CEP85L: variants seen among roughly 807,000 people sequenced by gnomAD.
CEP85L encodes centrosomal protein 85L, also known as centrosomal protein of 85 kDa-like.
Under a neutral mutation model 100.3 loss-of-function variants are expected in CEP85L, and 60 were observed. The observed-to-expected ratio is 0.60, with a 90% confidence interval of 0.49 to 0.74. The LOEUF (loss-of-function observed/expected upper bound fraction) is 0.74, where lower values mean the gene tolerates loss of function less well. Among genes scored for constraint, CEP85L ranks in the 30% least tolerant of loss-of-function variants. The pLI, the probability that CEP85L is intolerant of heterozygous loss-of-function variation, is 0.00. For missense variants in CEP85L, 973 were observed against 936.2 expected, an observed-to-expected ratio of 1.04 and a Z score of -0.51; for synonymous variants, 319 against 322.7, an observed-to-expected ratio of 0.99 and a Z score of 0.12.
intron 10 of CEP85L, among the ~76,000 whole-genome samples, chr6:118,478,652 T>A (rs986644518): frequency 3.3e-5 from 5 of 152,188 alleles, no homozygotes; most frequent in Non-Finnish European, 7.4e-5. Flanking sequence ...TTTACTTCAA[T>A]TCTCTACATA....
At chr6:118,646,073 C>T (rs1775166128) in intron 1 of CEP85L, among the ~76,000 whole-genome samples, 1 of 151,832 alleles carries the variant, frequency 6.6e-6, no homozygotes, top group Non-Finnish European at 1.5e-5. Flanking sequence ...GAAAATTAGC[C>T]AGGCATGGTG....
intron 3 of CEP85L, among the ~76,000 whole-genome samples, chr6:118,537,031 C>T (rs78868736): frequency 0.04 from 6,123 of 152,054 alleles, 198 homozygotes; most frequent in Non-Finnish European, 0.06. Context: ...CCCAGAAAAC[C>T]GAGGTACTTG....
At position 118,511,283 on chromosome 6, in the gene CEP85L, C is replaced by T. The variant is rs756328574; in HGVS notation, c.1257+15G>A. On this transcript the variant is annotated intron_variant, in intron 5 of 12. Transcript: ENST00000368491. ...TTTACTACTAAAACAGCTACAAAATCCTCTGTAATCTTACCTGCAAACTAG... is the reference window on the plus strand; with the variant it reads ...TTTACTACTAAAACAGCTACAAAATTCTCTGTAATCTTACCTGCAAACTAG... The T allele has an allele frequency of 2.0e-6, 3 of 1,513,354 alleles. No homozygotes were observed. In the Admixed American group the frequency reaches 5.0e-5, roughly 25 times the overall value. 93.7% of individuals were successfully genotyped at this position (1,513,354 alleles called of 1,614,324 possible).
intron 1 of CEP85L, among the ~76,000 whole-genome samples, chr6:118,681,010 G>C (rs1247633645): frequency 6.6e-6 from 1 of 152,224 alleles, no homozygotes; most frequent in Non-Finnish European, 1.5e-5. Context: ...ATCCACAACA[G>C]AACTATTGTG....
Position 118,672,090 on chromosome 6 carries a change from G to A in CEP85L, c.-27-19282C>T, listed in dbSNP as rs539063097. ...TTTCATCTGTTGCCCAGGTTGTAGT[G>A]CAGTGGTGCGATCTCAGCTCACTGC... On this transcript the variant is annotated intron_variant, in intron 1 of 13. Coordinates refer to the CEP85L transcript ENST00000368488. Among the ~76,000 whole-genome samples, 5 of 152,272 alleles carry A rather than the reference G, an allele frequency of 3.3e-5. 1 individual carries two copies. Among genetic ancestry groups the A allele is most frequent in the African/African-American group, 1.2e-4 (5 of 41,560 alleles).
At chr6:118,502,289 C>T in intron 5 of CEP85L, 1 of 532,630 alleles carries the variant, frequency 1.9e-6, no homozygotes, top group Non-Finnish European at 3.5e-6. Context: ...TTAATCTATG[C>T]AATCTATGGG....
chr6:118,692,196 A>C (rs141285989), intron 1 of CEP85L, among the ~76,000 whole-genome samples: 3 of 152,294 alleles, frequency 2.0e-5, no homozygotes, highest in African/African-American at 7.2e-5. Context: ...AGAGCCCTGC[A>C]ATGGGTTAAA....
chr6:118,467,073 A>T (rs187111959), intron 12 of CEP85L, among the ~76,000 whole-genome samples: 1 of 152,238 alleles, frequency 6.6e-6, no homozygotes, highest in Admixed American at 6.5e-5. Context: ...ACTCACTGAG[A>T]AGAGGAACCG....
At position 118,538,734 on chromosome 6, in the gene CEP85L, A is replaced by G. The variant is rs74411070; in HGVS notation, c.1021-14814T>C. 1.4e-3 allele frequency among the ~76,000 whole-genome samples: 212 copies of G among 152,220 alleles called. 2 individuals carry two copies. Among genetic ancestry groups the G allele is most frequent in the African/African-American group, 5.0e-3 (207 of 41,572 alleles). ...AATCAATTAGAAGATTAGGTAAAAC[A>G]AATGAAGCTTAAGTATTCAAATTAA... On this transcript the variant is annotated intron_variant, in intron 3 of 12. Coordinates refer to ENST00000368491, the MANE Select transcript of CEP85L (RefSeq NM_001042475.3).
chr6:118,525,948 A>G (rs996573930), intron 3 of CEP85L, among the ~76,000 whole-genome samples: 7 of 152,368 alleles, frequency 4.6e-5, no homozygotes, highest in African/African-American at 1.7e-4. Flanking sequence ...CAGTAATTGC[A>G]TAACATCAAC....
At position 118,476,907 on chromosome 6, in the gene CEP85L, T is replaced by C. The variant is rs9372505; in HGVS notation, c.1914+2964A>G. ...AACAAGCACACATTACAAAACTCTA[T>C]GTCCTCTGCCAAAAGACTACAATGA... On this transcript the variant is annotated intron_variant, in intron 10 of 12. Transcript: ENST00000368491. Among the ~76,000 whole-genome samples, 28 of 152,300 alleles carry C rather than the reference T, an allele frequency of 1.8e-4. No individual in the cohort carries two copies. The East Asian group carries it at 2.1e-3, about 12-fold the overall frequency.
At chr6:118,596,985 C>A (rs1013456946) in intron 2 of CEP85L, among the ~76,000 whole-genome samples, 8 of 152,132 alleles carry the variant, frequency 5.3e-5, no homozygotes, top group African/African-American at 4.8e-5. Flanking sequence ...ATCATGGGGG[C>A]GGCTGCCCCA....
chr6:118,651,171 A>G, intron 1 of CEP85L, 26 bp downstream of exon 1: 1 of 1,486,382 alleles, frequency 6.7e-7, no homozygotes, highest in Non-Finnish European at 8.9e-7. Context: ...CCCCCACCCC[A>G]GCCGGGGCGC....
At chr6:118,568,179 G>A (rs1447078032) in intron 2 of CEP85L, among the ~76,000 whole-genome samples, 4 of 152,188 alleles carry the variant, frequency 2.6e-5, no homozygotes, top group Non-Finnish European at 5.9e-5. Flanking sequence ...ACGTGGCCCC[G>A]TAGTGGCTGC....
At chr6:118,600,996 TTTC>T (rs1331928064) in intron 2 of CEP85L, among the ~76,000 whole-genome samples, 1 of 152,208 alleles carries the variant, frequency 6.6e-6, no homozygotes, top group Non-Finnish European at 1.5e-5. Flanking sequence ...TATAAAGTTG[TTTC>T]TTATTTTTCA....
intron 2 of CEP85L, among the ~76,000 whole-genome samples, chr6:118,593,674 A>C (rs1189336448): frequency 7.9e-6 from 1 of 127,048 alleles, no homozygotes; most frequent in Non-Finnish European, 1.8e-5. Context: ...GCATCGCAAT[A>C]ATGCTGTTTA....
chr6:118,572,194 C>T, intron 2 of CEP85L, among the ~76,000 whole-genome samples: 1 of 149,584 alleles, frequency 6.7e-6, no homozygotes, highest in Admixed American at 6.7e-5. Context: ...AGTTTTTTTT[C>T]CCTTCCTGCT....
At chr6:118,639,630 A>G (rs1774735275) in intron 1 of CEP85L, among the ~76,000 whole-genome samples, 1 of 152,194 alleles carries the variant, frequency 6.6e-6, no homozygotes, top group Non-Finnish European at 1.5e-5. Context: ...TTCCAACAAC[A>G]TTTAATAAAT....
chr6:118,648,205 G>A (rs1441889974), intron 1 of CEP85L, among the ~76,000 whole-genome samples: 1 of 152,178 alleles, frequency 6.6e-6, no homozygotes, highest in Non-Finnish European at 1.5e-5. Context: ...AGTGATCCAA[G>A]ATCGCACCAC....
Sources: allele counts gnomAD v4.1 joint callset (sites outside exome capture counted in the v4.1 genomes callset), GRCh38; gene constraint gnomAD v4.1.1; transcripts MANE v1.5; gene names NCBI Gene and HGNC (gene_info 2026-07-23, HGNC 2026-07-21).